The following EXOC2 variants were observed in gnomAD, a reference collection of about 807,000 sequenced individuals.
EXOC2 encodes the protein SEC5-like 1.
In EXOC2, 70 loss-of-function variants were observed where a neutral mutation model predicts 131.8. The observed-to-expected ratio is 0.53, with a 90% CI of 0.44 to 0.65. The LOEUF (loss-of-function observed/expected upper bound fraction) is 0.65. Ranked by LOEUF, EXOC2 falls within the 30% of genes least tolerant of loss-of-function variation. EXOC2 has a pLI of 0.00. For synonymous variants in EXOC2, 411 were observed against 398.4 expected, an observed-to-expected ratio of 1.03 and a Z score of -0.38; for missense variants, 923 against 1,108.6, an observed-to-expected ratio of 0.83 and a Z score of 2.38.
intron 1 of EXOC2, among the ~76,000 whole-genome samples, chr6:685,869 C>CTTTTTTTTTTTTTTTTTTT (rs58892194): frequency 1.1e-4 from 11 of 98,240 alleles, no homozygotes; most frequent in South Asian, 3.3e-4. Flanking sequence ...TCCTGGACCT[C>CTTTTTTTTTTTTTTTTTTT]TTTTTTTTTT....
At chr6:570,164 C>A (rs539010203) in intron 13 of EXOC2, among the ~76,000 whole-genome samples, 1 of 143,702 alleles carries the variant, frequency 7.0e-6, no homozygotes, top group Non-Finnish European at 1.5e-5. Flanking sequence ...GACGGAGTCT[C>A]GCGCTGTCGC....
chr6:663,308 TTACCACC>T (rs2127763640), intron 1 of EXOC2, among the ~76,000 whole-genome samples: 1 of 152,008 alleles, frequency 6.6e-6, no homozygotes, highest in Non-Finnish European at 1.5e-5. Context: ...AATTAAGAAA[TTACCACC>T]AAAGAAAAGT....
chr6:521,530 C>CT (rs965414802), intron 23 of EXOC2, among the ~76,000 whole-genome samples: 1,629 of 144,098 alleles, frequency 0.011, 22 homozygotes, highest in African/African-American at 0.032. Context: ...CATTTGAATT[C>CT]TTTTTTTTTT....
chr6:551,678 C>G (rs539140595), intron 21 of EXOC2, among the ~76,000 whole-genome samples: 3 of 152,312 alleles, frequency 2.0e-5, no homozygotes, highest in African/African-American at 7.2e-5. Context: ...CCAGCAGTCT[C>G]CATTCGGGAG....
At chr6:654,279 TGATTCTCTAATG>T (rs1762959162) in intron 1 of EXOC2, among the ~76,000 whole-genome samples, 1 of 152,250 alleles carries the variant, frequency 6.6e-6, no homozygotes, top group Admixed American at 6.5e-5. Flanking sequence ...CCATGGATAC[TGATTCTCTAATG>T]GATCTTGGCA....
At chr6:670,131 C>T (rs1408783809) in intron 1 of EXOC2, 1 of 152,188 alleles carries the variant, frequency 6.6e-6, no homozygotes, top group Non-Finnish European at 1.5e-5. Flanking sequence ...GCGTACGTTG[C>T]CTAGAAGAGT....
chr6:677,961 C>CAG (rs1411259703), intron 1 of EXOC2, among the ~76,000 whole-genome samples: 1 of 151,930 alleles, frequency 6.6e-6, no homozygotes, highest in Non-Finnish European at 1.5e-5. Flanking sequence ...CACACACACA[C>CAG]ACACTCTTCA....
chr6:637,965 T>A, intron 1 of EXOC2, 104 bp from the exon 2 acceptor site: 1 of 758,854 alleles, frequency 1.3e-6, no homozygotes, highest in African/African-American at 1.8e-5. Flanking sequence ...AAAGTATTCT[T>A]AAACACAGAG....
intron 4 of EXOC2, among the ~76,000 whole-genome samples, chr6:624,268 TAAGCAGTGGCTA>T (rs1422591308): frequency 6.6e-6 from 1 of 152,178 alleles, no homozygotes; most frequent in Non-Finnish European, 1.5e-5. Context: ...GCAGCAGTAA[TAAGCAGTGGCTA>T]AGAGCACAGG....
In EXOC2 at chr6:486,719, C is replaced by T. The variant is rs202152179; in HGVS notation, c.2727G>A (p.Leu909=). 7 of 1,614,184 alleles carry T rather than the reference C, an allele frequency of 4.3e-6. No individual in the cohort carries two copies. The East Asian group carries it at 1.6e-4, about 36-fold the overall frequency. Reference sequence around the variant, plus strand: ...AAGCTGCTTGGAAACAGGTGAGCTGCAAGTGCATGCTACTCTTGAACTTGT... The same window carrying T: ...AAGCTGCTTGGAAACAGGTGAGCTGTAAGTGCATGCTACTCTTGAACTTGT... The part of the protein sequence containing the change: ...LLNKFKSSMH[L]QLTCFQAASS... Residue 909 remains leucine, a synonymous_variant, in exon 28 of 28, where the codon TTG becomes TTA. Transcript: ENST00000230449.
At chr6:544,602 A>T (rs996227933) in intron 22 of EXOC2, among the ~76,000 whole-genome samples, 1 of 152,252 alleles carries the variant, frequency 6.6e-6, no homozygotes, top group African/African-American at 2.4e-5. Context: ...TATAGAGATA[A>T]TACAGCAGTG....
chr6:649,680 A>C (rs1385640246), intron 1 of EXOC2, among the ~76,000 whole-genome samples: 2 of 152,242 alleles, frequency 1.3e-5, no homozygotes, highest in Non-Finnish European at 2.9e-5. Context: ...ATGGCAACCT[A>C]TTCACTGAAT....
chr6:682,552 C>T (rs1429189030), intron 1 of EXOC2, among the ~76,000 whole-genome samples: 1 of 152,068 alleles, frequency 6.6e-6, no homozygotes, highest in African/African-American at 2.4e-5. Context: ...TAACTATAAC[C>T]ATCATTTATC....
intron 1 of EXOC2, among the ~76,000 whole-genome samples, chr6:686,019 G>T (rs1764638172): frequency 6.8e-6 from 1 of 146,466 alleles, no homozygotes; most frequent in African/African-American, 2.5e-5. Flanking sequence ...TCACTAGGCT[G>T]AAGTGCAGTG....
chr6:500,941 C>T (rs114860924), intron 23 of EXOC2, among the ~76,000 whole-genome samples: 7 of 150,326 alleles, frequency 4.7e-5, no homozygotes, highest in South Asian at 2.1e-4. Context: ...TCACACACTA[C>T]GGTATACAAA....
At chr6:492,165 T>C (rs905591755) in intron 25 of EXOC2, among the ~76,000 whole-genome samples, 1 of 152,076 alleles carries the variant, frequency 6.6e-6, no homozygotes, top group Admixed American at 6.5e-5. Flanking sequence ...AAAAATCCAG[T>C]GCTACAAAGA....
intron 22 of EXOC2, among the ~76,000 whole-genome samples, chr6:547,500 T>C (rs1257178560): frequency 6.6e-6 from 1 of 152,222 alleles, no homozygotes; most frequent in Non-Finnish European, 1.5e-5. Flanking sequence ...CCTGTGACTC[T>C]TCTGGGATCG....
chr6:608,257 C>G (rs377352911), intron 7 of EXOC2, among the ~76,000 whole-genome samples: 1 of 152,246 alleles, frequency 6.6e-6, no homozygotes, highest in East Asian at 1.9e-4. Flanking sequence ...AGCTGCATCC[C>G]CTCCGGCTTT....
intron 17 of EXOC2, among the ~76,000 whole-genome samples, chr6:558,521 T>G (rs1214169542): frequency 6.6e-6 from 1 of 152,130 alleles, no homozygotes; most frequent in African/African-American, 2.4e-5. Flanking sequence ...CCATTAAATG[T>G]TGATGTTTGG....
Sources: allele counts gnomAD v4.1 joint callset (sites outside exome capture counted in the v4.1 genomes callset), GRCh38; gene constraint gnomAD v4.1.1; transcripts MANE v1.5; gene names NCBI Gene and HGNC (gene_info 2026-07-23, HGNC 2026-07-21).